The following PRKG1 variants were observed in gnomAD, a reference collection of about 807,000 sequenced individuals.
The protein encoded by PRKG1 is cGMP-dependent protein kinase 1.
Under a neutral mutation model 88.1 loss-of-function variants are expected in PRKG1, and 35 were observed. The ratio of observed to expected loss-of-function variants is 0.40; its 90% CI spans 0.30 to 0.53. The LOEUF is 0.53. Ranked by LOEUF, PRKG1 falls within the 20% of genes least tolerant of loss-of-function variation. The pLI is 0.59. For missense variants in PRKG1, 540 were observed against 839.8 expected, an observed-to-expected ratio of 0.64 and a Z score of 4.41; for synonymous variants, 303 against 292.5, an observed-to-expected ratio of 1.04 and a Z score of -0.37.
At chr10:52,092,036 C>A (rs1333928106) in intron 7 of PRKG1, among the ~76,000 whole-genome samples, 1 of 152,188 alleles carries the variant, frequency 6.6e-6, no homozygotes, top group East Asian at 1.9e-4. Context: ...TTCTTGATTG[C>A]TAATGAGGCT....
At chr10:51,053,006 G>C (rs768773859) in intron 1 of PRKG1, among the ~76,000 whole-genome samples, 1 of 152,148 alleles carries the variant, frequency 6.6e-6, no homozygotes, top group Non-Finnish European at 1.5e-5. Flanking sequence ...AAAGTGGGTT[G>C]ATCACCAGGG....
Position 52,282,885 on chromosome 10 carries a change from G to A in PRKG1, c.1709+569G>A, listed in dbSNP as rs1056393749. Among the ~76,000 whole-genome samples, 4 of 152,058 alleles carry A rather than the reference G, an allele frequency of 2.6e-5. No individual in the cohort carries two copies. The South Asian group carries it at 6.2e-4, about 24-fold the overall frequency. On this transcript the variant is annotated intron_variant, in intron 14 of 17. Coordinates refer to ENST00000373980, the MANE Select transcript of PRKG1 (RefSeq NM_006258.4). ...AAACAGTGAGTGACAGGGGTGTTAT[G>A]ACCTACAGATTTCAGGACAGGGATG...
At chr10:52,185,120 GTCTT>G (rs1839157040) in intron 9 of PRKG1, 1 of 152,120 alleles carries the variant, frequency 6.6e-6, no homozygotes, top group African/African-American at 2.4e-5. Flanking sequence ...CAAGTCCAAA[GTCTT>G]AAGTCTTATC....
chr10:51,166,198 C>A (rs1327381242), intron 2 of PRKG1, among the ~76,000 whole-genome samples: 1 of 150,286 alleles, frequency 6.7e-6, no homozygotes, highest in Non-Finnish European at 1.5e-5. Flanking sequence ...TACATGCCCT[C>A]AATTTAAAGC....
rs569042608 is a variant in PRKG1, at chr10:51,404,130, G to A, written c.479-63593G>A. 3.3e-5 allele frequency among the ~76,000 whole-genome samples: 5 copies of A among 152,268 alleles called. No individual in the cohort carries two copies. In the South Asian group the frequency reaches 8.3e-4, roughly 25 times the overall value. On this transcript the variant is annotated intron_variant, in intron 2 of 17. Coordinates refer to ENST00000373980, the MANE Select transcript of PRKG1 (RefSeq NM_006258.4). ...ACAGATGATTGGTACCATTAGGAAC[G>A]GCCCTGTAAGCAAACGTGATGTAGC...
At chr10:51,727,303 T>A (rs568018057) in intron 3 of PRKG1, among the ~76,000 whole-genome samples, 127 of 150,394 alleles carry the variant, frequency 8.4e-4, no homozygotes, top group African/African-American at 3.0e-3. Context: ...TATATATATT[T>A]TTTTTACTTT....
At chr10:51,954,138 G>A (rs1443960196) in intron 5 of PRKG1, among the ~76,000 whole-genome samples, 12 of 151,970 alleles carry the variant, frequency 7.9e-5, no homozygotes, top group Non-Finnish European at 1.5e-5. Flanking sequence ...AGGATCCCAA[G>A]TTTCCTTAAA....
At chr10:51,295,510 T>C (rs1015954187) in intron 2 of PRKG1, among the ~76,000 whole-genome samples, 2 of 152,134 alleles carry the variant, frequency 1.3e-5, no homozygotes, top group African/African-American at 4.8e-5. Context: ...GTTTTATTAG[T>C]TCTAACATTT....
At chr10:51,308,205 A>T (rs1841088943) in intron 2 of PRKG1, among the ~76,000 whole-genome samples, 1 of 152,104 alleles carries the variant, frequency 6.6e-6, no homozygotes, top group African/African-American at 2.4e-5. Flanking sequence ...CTTTATATAG[A>T]TTACTTGTAA....
At chr10:52,201,544 G>C (rs1839668463) in intron 9 of PRKG1, among the ~76,000 whole-genome samples, 1 of 151,946 alleles carries the variant, frequency 6.6e-6, no homozygotes, top group Admixed American at 6.6e-5. Context: ...GCTTTTTTTG[G>C]CTCCACATGA....
At chr10:51,241,997 A>G (rs1450308269) in intron 2 of PRKG1, among the ~76,000 whole-genome samples, 1 of 152,150 alleles carries the variant, frequency 6.6e-6, no homozygotes, top group Admixed American at 6.6e-5. Flanking sequence ...AAAAAGATGA[A>G]TAATGTAACA....
chr10:52,283,790 A>G (rs1842053042), intron 14 of PRKG1, among the ~76,000 whole-genome samples: 1 of 152,086 alleles, frequency 6.6e-6, no homozygotes, highest in Admixed American at 6.6e-5. Flanking sequence ...ATAGGTAAAT[A>G]GGCAGAGAGA....
intron 2 of PRKG1, among the ~76,000 whole-genome samples, chr10:51,179,824 T>A (rs1238846669): frequency 6.6e-6 from 1 of 152,154 alleles, no homozygotes; most frequent in Non-Finnish European, 1.5e-5. Flanking sequence ...AGCTGTGTGA[T>A]CTCAAGTAGA....
intron 1 of PRKG1, among the ~76,000 whole-genome samples, chr10:51,009,435 A>G (rs184674232): frequency 2.0e-5 from 3 of 152,328 alleles, no homozygotes; most frequent in Admixed American, 1.3e-4. Context: ...AGGTGCACAC[A>G]CATACTTTTA....
intron 9 of PRKG1, among the ~76,000 whole-genome samples, chr10:52,173,949 T>A (rs968844064): frequency 3.3e-5 from 5 of 152,118 alleles, no homozygotes; most frequent in African/African-American, 1.2e-4. Flanking sequence ...TTATCAGTTT[T>A]ACTAAGTTTT....
At chr10:51,891,248 G>C (rs1841713879) in intron 4 of PRKG1, among the ~76,000 whole-genome samples, 1 of 152,064 alleles carries the variant, frequency 6.6e-6, no homozygotes, top group Non-Finnish European at 1.5e-5. Flanking sequence ...AGGGTGACAG[G>C]GTGAGACCTT....
At position 50,991,754 on chromosome 10, in the gene PRKG1, C is replaced by G; in HGVS notation, c.266+110C>G. 1.2e-6 allele frequency: 1 copy of G among 856,828 alleles called. No individual in the cohort carries two copies. Among genetic ancestry groups the G allele is most frequent in the Non-Finnish European group, 1.4e-6 (1 of 701,310 alleles). The allele number at this position is 856,828 out of a possible 1,614,324, so 53.1% of individuals were successfully genotyped here. On this transcript the variant is annotated intron_variant, in intron 1 of 17. Transcript: ENST00000401604. This position sits in a 1 kb window ranked among gnomAD's most constrained non-coding sequence, Gnocchi z 4.5. ...GTCGGCCCAGGGCGCCCCCTGCTCG[C>G]TGCGGCGCGCGGAGTGGGGGTGGCC...
intron 1 of PRKG1, among the ~76,000 whole-genome samples, chr10:51,089,257 A>AATATCTTATTTTTTTTT (rs1554835188): frequency 3.9e-5 from 6 of 152,236 alleles, no homozygotes; most frequent in East Asian, 3.8e-4. Flanking sequence ...TCTTAAAAAT[A>AATATCTTATTTTTTTTT]AGATAGACTG....
At chr10:51,776,858 T>A (rs1440294023) in intron 3 of PRKG1, among the ~76,000 whole-genome samples, 1 of 151,914 alleles carries the variant, frequency 6.6e-6, no homozygotes, top group Admixed American at 6.6e-5. Flanking sequence ...ACAAAATGCT[T>A]AAACTTTAGA....
Sources: allele counts gnomAD v4.1 joint callset (sites outside exome capture counted in the v4.1 genomes callset), GRCh38; gene constraint gnomAD v4.1.1; non-coding constraint Gnocchi (gnomAD v3.1); transcripts MANE v1.5; gene names NCBI Gene and HGNC (gene_info 2026-07-23, HGNC 2026-07-21).